Variants in NCMAP observed in about 807,000 individuals in gnomAD.
The protein encoded by NCMAP is non-compact myelin associated protein.
NCMAP carries 8 observed loss-of-function variants against 7.8 expected under a neutral mutation model. The observed-to-expected ratio is 1.02, with a 90% CI of 0.60 to 1.84. The LOEUF (loss-of-function observed/expected upper bound fraction) is 1.84, where lower values mean the gene tolerates loss of function less well. Ranked by LOEUF, NCMAP falls within the 40% of genes most tolerant of loss-of-function variation. The pLI is 0.00. For missense variants in NCMAP, 112 were observed against 131.4 expected (o/e 0.85, Z 0.72); for synonymous variants, 41 against 52.9 (o/e 0.78, Z 0.98).
chr1:24,567,583 C>G (rs1360826821), intron 1 of NCMAP, among the ~76,000 whole-genome samples: 3 of 152,186 alleles, frequency 2.0e-5, no homozygotes, highest in African/African-American at 4.8e-5. Context: ...ATTATCATCT[C>G]CTTTGAGTGT....
chr1:24,559,155 G>C (rs1183407938), intron 1 of NCMAP, among the ~76,000 whole-genome samples: 2 of 152,176 alleles, frequency 1.3e-5, no homozygotes, highest in Non-Finnish European at 2.9e-5. Flanking sequence ...TGCTGTCCAA[G>C]GGCCTCTGAA....
chr1:24,582,860 T>C (rs1287287891), intron 1 of NCMAP, among the ~76,000 whole-genome samples: 1 of 152,234 alleles, frequency 6.6e-6, no homozygotes, highest in Non-Finnish European at 1.5e-5. Context: ...CAGGCAAGTT[T>C]CCTAACTTCT....
At chr1:24,569,190 C>T (rs1651317711) in intron 1 of NCMAP, among the ~76,000 whole-genome samples, 1 of 152,006 alleles carries the variant, frequency 6.6e-6, no homozygotes, top group Non-Finnish European at 1.5e-5. Context: ...GACGGGGTTT[C>T]ACCATGTTGG....
intron 1 of NCMAP, among the ~76,000 whole-genome samples, chr1:24,577,401 G>GTTTTTTTTTGTTTTTTT (rs1651605073): frequency 2.8e-4 from 11 of 39,956 alleles, no homozygotes; most frequent in African/African-American, 7.4e-4. Context: ...CACTGGCCTT[G>GTTTTTTTTTGTTTTTTT]TTTTTTTTTT....
rs145838965 is a variant in NCMAP, at chr1:24,560,288, G to T, written c.-8+4119G>T. On this transcript the variant is annotated intron_variant, in intron 1 of 3. Coordinates refer to ENST00000374392, the MANE Select transcript of NCMAP (RefSeq NM_001010980.5). Reference sequence around the variant, plus strand: ...TTCGTCCCACAATTCACTCGTCATTGGTTCATTCATTTGTTCATTCACTCA... The same window carrying T: ...TTCGTCCCACAATTCACTCGTCATTTGTTCATTCATTTGTTCATTCACTCA... 2.1e-3 allele frequency among the ~76,000 whole-genome samples: 324 copies of T among 152,212 alleles called. 6 individuals carry two copies. In the East Asian group the frequency reaches 0.038, roughly 18 times the overall value.
intron 2 of NCMAP, among the ~76,000 whole-genome samples, chr1:24,600,566 T>C (rs1274002607): frequency 2.0e-5 from 3 of 152,246 alleles, no homozygotes; most frequent in African/African-American, 7.2e-5. Flanking sequence ...TTTGCACATA[T>C]TTATATTTTC....
At chr1:24,591,817 G>T (rs573014944) in intron 1 of NCMAP, among the ~76,000 whole-genome samples, 1 of 152,176 alleles carries the variant, frequency 6.6e-6, no homozygotes, top group Non-Finnish European at 1.5e-5. Flanking sequence ...GATTAAGGGA[G>T]CACAGAGAAG....
chr1:24,587,570 G>T (rs1651918167), intron 1 of NCMAP, among the ~76,000 whole-genome samples: 1 of 152,068 alleles, frequency 6.6e-6, no homozygotes, highest in Non-Finnish European at 1.5e-5. Flanking sequence ...CTGGAGCGTG[G>T]TGGCATGATC....
chr1:24,587,508 C>T (rs1170525695), intron 1 of NCMAP, among the ~76,000 whole-genome samples: 3 of 151,984 alleles, frequency 2.0e-5, no homozygotes, highest in Non-Finnish European at 2.9e-5. Flanking sequence ...TCAAAGGTGC[C>T]TTCTTTTCTT....
At position 24,576,809 on chromosome 1, in the gene NCMAP, A is replaced by C. The variant is rs1395984426; in HGVS notation, c.-7-18615A>C. Among the ~76,000 whole-genome samples the C allele has an allele frequency of 1.3e-5, 2 of 152,172 alleles. No homozygotes were observed. Among genetic ancestry groups the C allele is most frequent in the Non-Finnish European group, 2.9e-5 (2 of 68,024 alleles). ...TTAAGTAGGTGAGGTAGTGAGCCCC[A>C]TAGACCAAGACCTTGGGACTCAAAG... On this transcript the variant is annotated intron_variant, in intron 1 of 3. Coordinates refer to ENST00000374392, the MANE Select transcript of NCMAP (RefSeq NM_001010980.5). This position sits in a 1 kb window ranked among gnomAD's most constrained non-coding sequence, Gnocchi z 4.0.
chr1:24,562,916 C>G (rs1416447254), intron 1 of NCMAP, among the ~76,000 whole-genome samples: 2 of 152,218 alleles, frequency 1.3e-5, no homozygotes, highest in African/African-American at 4.8e-5. Flanking sequence ...GGGCTCATCC[C>G]TTCCCCCTCC....
chr1:24,589,370 T>C (rs549334447), intron 1 of NCMAP: 1 of 152,328 alleles, frequency 6.6e-6, no homozygotes, highest in Non-Finnish European at 1.5e-5. Context: ...AACACCCACA[T>C]GCTTGGCCAT....
chr1:24,582,765 A>G (rs1651779849), intron 1 of NCMAP, among the ~76,000 whole-genome samples: 1 of 152,226 alleles, frequency 6.6e-6, no homozygotes, highest in South Asian at 2.1e-4. Flanking sequence ...GTGTTGTTTT[A>G]AGCCACTAAA....
At chr1:24,566,074 GT>G (rs1651220874) in intron 1 of NCMAP, among the ~76,000 whole-genome samples, 1 of 152,112 alleles carries the variant, frequency 6.6e-6, no homozygotes, top group Non-Finnish European at 1.5e-5. Context: ...ATGACTGTAA[GT>G]TTCCTGAGGC....
At chr1:24,560,230 C>T (rs1233789421) in intron 1 of NCMAP, among the ~76,000 whole-genome samples, 1 of 151,762 alleles carries the variant, frequency 6.6e-6, no homozygotes, top group Non-Finnish European at 1.5e-5. Context: ...TGGGGAGCTA[C>T]CTTTTGGGGC....
intron 1 of NCMAP, among the ~76,000 whole-genome samples, chr1:24,587,155 C>A (rs1651904420): frequency 6.6e-6 from 1 of 152,188 alleles, no homozygotes; most frequent in South Asian, 2.1e-4. Flanking sequence ...TGTCAGCCCC[C>A]CTCTGGAGTC....
At position 24,573,493 on chromosome 1, in the gene NCMAP, C is replaced by T. The variant is rs920994092; in HGVS notation, c.-8+17324C>T. The stretch of plus-strand genomic sequence containing the variant: ...ATCCCAGCTACTCAGGAGGCTGAGG[C>T]AGGAGACTCACTTGAACCTGGGAGG... On this transcript the variant is annotated intron_variant, in intron 1 of 3. Coordinates refer to ENST00000374392, the MANE Select transcript of NCMAP (RefSeq NM_001010980.5). 6.6e-5 allele frequency among the ~76,000 whole-genome samples: 10 copies of T among 150,674 alleles called. 3 individuals are homozygous for T. Among genetic ancestry groups the T allele is most frequent in the African/African-American group, 2.5e-4 (10 of 39,982 alleles).
At position 24,597,603 on chromosome 1, in the gene NCMAP, AAGAAAGAAAGAAAG is replaced by A. The variant is rs1404701837; in HGVS notation, c.82+2107_82+2120del. On this transcript the variant is annotated intron_variant, in intron 2 of 3. Transcript: ENST00000374392. ...AACAAAAGAGAAGAAAGAAGAAAGA[AAGAAAGAAAGAAAG>A]AGAAAGAAAGAAAGAAAGAAAGAAA... Among the ~76,000 whole-genome samples, 34 of 97,604 alleles carry A rather than the reference AAGAAAGAAAGAAAG, an allele frequency of 3.5e-4. 1 individual carries two copies. The highest frequency in any genetic ancestry group is 1.6e-3 in the African/African-American group (31 of 19,978). The allele number at this position is 97,604 out of a possible 152,430, so 64.0% of individuals were successfully genotyped here.
At chr1:24,604,102 A>G (rs1258131310) in intron 3 of NCMAP, among the ~76,000 whole-genome samples, 1 of 152,212 alleles carries the variant, frequency 6.6e-6, no homozygotes, top group African/African-American at 2.4e-5. Flanking sequence ...TGGATTCATG[A>G]GGGTGGAGTC....
Sources: gnomAD v4.1 joint callset for allele counts (sites outside exome capture counted in the v4.1 genomes callset) on GRCh38, gnomAD v4.1.1 for gene constraint, Gnocchi (gnomAD v3.1) non-coding constraint, MANE v1.5 for transcripts, NCBI Gene and HGNC (gene_info 2026-07-23, HGNC 2026-07-21) for gene names.